TM4SF20: variants seen among roughly 807,000 people sequenced by gnomAD.
The protein encoded by TM4SF20 is transmembrane 4 L six family member 20.
TM4SF20 carries 13 observed loss-of-function variants against 15.1 expected under a neutral mutation model. That is an observed-to-expected ratio of 0.86 (90% CI 0.56 to 1.36). TM4SF20 has a LOEUF of 1.36. TM4SF20 is among the 40% of genes most tolerant of loss of function. The probability of loss-of-function intolerance (pLI) is 0.00; values close to 1 mark genes in which losing one functional copy is unlikely to be tolerated. For missense variants in TM4SF20, 282 were observed against 268.4 expected (o/e 1.05, Z -0.35); for synonymous variants, 92 against 96.6 (o/e 0.95, Z 0.28).
intron 1 of TM4SF20, among the ~76,000 whole-genome samples, chr2:227,378,165 C>T (rs2076461116): frequency 6.6e-6 from 1 of 151,960 alleles, no homozygotes; most frequent in Non-Finnish European, 1.5e-5. Flanking sequence ...CAAACAAAAA[C>T]AAGCCTCTTG....
Position 227,364,000 on chromosome 2 carries a change from T to G in TM4SF20, c.414A>C (p.Pro138=). Residue 138 remains proline (P), a synonymous_variant, in exon 4 of 4, where the codon CCA becomes CCC. Coordinates refer to ENST00000304568, the MANE Select transcript of TM4SF20 (RefSeq NM_024795.4). ...FSLKNISDIH[P]ESFNLQWFFN... is the part of the protein sequence containing the mutation. ...AAAACCACTGCAAGTTGAAGGATTC[T>G]GGATGAATGTCACTGAAAAACAAAA... is the stretch of plus-strand genomic sequence containing the variant. 6.2e-7 allele frequency: 1 copy of G among 1,604,906 alleles called. No individual in the cohort carries two copies. Among genetic ancestry groups the G allele is most frequent in the Non-Finnish European group, 8.5e-7 (1 of 1,175,506 alleles).
At chr2:227,379,804 T>C (rs904053129), upstream of TM4SF20, among the ~76,000 whole-genome samples, 3 of 152,238 alleles carry the variant, frequency 2.0e-5, no homozygotes, top group Non-Finnish European at 4.4e-5. Context: ...GACTAACCCA[T>C]TTAGAGATAG....
At chr2:227,372,700 T>C (rs2076427104) in intron 1 of TM4SF20, among the ~76,000 whole-genome samples, 1 of 151,862 alleles carries the variant, frequency 6.6e-6, no homozygotes, top group African/African-American at 2.4e-5. Context: ...CCCACATAGT[T>C]TTTTGTTTTG....
chr2:227,381,477 T>G (rs2106499151), upstream of TM4SF20: 1 of 151,982 alleles, frequency 6.6e-6, no homozygotes, highest in Admixed American at 6.5e-5. Flanking sequence ...ATAACTAAAA[T>G]TTACCCTCCC....
intron 3 of TM4SF20, among the ~76,000 whole-genome samples, 159 bp downstream of exon 3, chr2:227,365,934 G>C: frequency 6.6e-6 from 1 of 152,212 alleles, no homozygotes; most frequent in South Asian, 2.1e-4. Context: ...TTGATGTGGA[G>C]TTGTGCTAAC....
chr2:227,381,447 T>G (rs945307417), upstream of TM4SF20: 3 of 151,804 alleles, frequency 2.0e-5, no homozygotes, highest in Admixed American at 1.3e-4. Context: ...AAAAATATAT[T>G]TTTTATTTTA....
upstream of TM4SF20, among the ~76,000 whole-genome samples, chr2:227,380,414 C>G (rs1490621179): frequency 6.6e-6 from 1 of 152,176 alleles, no homozygotes; most frequent in East Asian, 1.9e-4. Context: ...ACTGAAAGAC[C>G]TAGACTTAGA....
At chr2:227,380,345 T>A (rs964969295), upstream of TM4SF20, among the ~76,000 whole-genome samples, 2 of 151,952 alleles carry the variant, frequency 1.3e-5, no homozygotes, top group African/African-American at 4.8e-5. Flanking sequence ...ACAAAAACAA[T>A]ACAAAAGTTC....
At chr2:227,372,356 A>C (rs765024293) in intron 1 of TM4SF20, among the ~76,000 whole-genome samples, 1 of 152,178 alleles carries the variant, frequency 6.6e-6, no homozygotes, top group African/African-American at 2.4e-5. Flanking sequence ...ATTCAAAACT[A>C]GTCATTTGGC....
rs1259998638 is a variant in TM4SF20 at position 227,363,856 on chromosome 2, A to G, written c.558T>C (p.Leu186=). Reference sequence around the variant, plus strand: ...GACCTAAAAATACTGAGAAGTGGATAAGCCTATGTTTGTTTTCTTCAGAAT... The same window carrying G: ...GACCTAAAAATACTGAGAAGTGGATGAGCCTATGTTTGTTTTCTTCAGAAT... ...HFDSEENKHR[L]IHFSVFLGLL... Residue 186 remains leucine, a synonymous_variant, in exon 4 of 4, where the codon CTT becomes CTC. Transcript: ENST00000304568. The G allele has an allele frequency of 1.9e-6, 3 of 1,614,194 alleles. No individual in the cohort carries two copies. The South Asian group carries it at 3.3e-5, about 18-fold the overall frequency.
chr2:227,376,352 T>C (rs1170893845), intron 1 of TM4SF20, among the ~76,000 whole-genome samples: 2 of 145,832 alleles, frequency 1.4e-5, no homozygotes, highest in Non-Finnish European at 1.6e-5. Flanking sequence ...ATGGATATTA[T>C]AAAGGACATA....
Position 227,363,535 on chromosome 2 carries a change from A to G in TM4SF20, c.*189T>C. The G allele has an allele frequency of 1.6e-6, 1 of 619,192 alleles. No individual in the cohort carries two copies. Among genetic ancestry groups the G allele is most frequent in the East Asian group, 2.9e-5 (1 of 35,038 alleles). The allele number at this position is 619,192 out of a possible 1,614,324, so 38.4% of individuals were successfully genotyped here. On this transcript the variant is annotated 3_prime_UTR_variant, in exon 4 of 4. Coordinates refer to ENST00000304568, the MANE Select transcript of TM4SF20 (RefSeq NM_024795.4). ...AGAGGTAAAAAATTTGAATAGTACAACACAAAACTAATTGAAAATTCTCTC... is the reference window on the plus strand; with the variant it reads ...AGAGGTAAAAAATTTGAATAGTACAGCACAAAACTAATTGAAAATTCTCTC...
At chr2:227,367,776 A>G (rs1377641396) in intron 2 of TM4SF20, among the ~76,000 whole-genome samples, 1 of 152,116 alleles carries the variant, frequency 6.6e-6, no homozygotes, top group African/African-American at 2.4e-5. Context: ...TAATCCCAAG[A>G]GGTAGATACT....
chr2:227,368,915 T>G (rs1157768293), intron 2 of TM4SF20, among the ~76,000 whole-genome samples: 2 of 152,202 alleles, frequency 1.3e-5, no homozygotes, highest in Non-Finnish European at 2.9e-5. Context: ...TGGTCTTATC[T>G]AGGCCTCAAA....
rs767592228 is a variant in TM4SF20 at position 227,370,944 on chromosome 2, T to C, written c.220A>G (p.Lys74Glu). The change falls in exon 2 of 4, where the codon AAA becomes GAA. Residue 74 changes from lysine to glutamate, a missense_variant. By Grantham distance (56) the Lys-to-Glu change is moderately conservative. Transcript: ENST00000304568. ...GTTCTGTTGTTGCAGCACGCTCTTT[T>C]TCTTGCTGTCAAGGACATTGTTGTT... Reference protein sequence around the residue: ...PATTMSLTARKRACCNNRTGM... With the variant: ...PATTMSLTARERACCNNRTGM... 6.2e-7 allele frequency: 1 copy of C among 1,614,092 alleles called. No homozygotes were observed. Among genetic ancestry groups the C allele is most frequent in the Admixed American group, 1.7e-5 (1 of 60,016 alleles).
chr2:227,376,508 T>C (rs2076451283), intron 1 of TM4SF20, among the ~76,000 whole-genome samples: 1 of 152,244 alleles, frequency 6.6e-6, no homozygotes, highest in East Asian at 1.9e-4. Context: ...ATATTGGACT[T>C]TTCAAAGAGT....
chr2:227,365,210 C>T (rs920378235), intron 3 of TM4SF20, among the ~76,000 whole-genome samples: 1 of 152,214 alleles, frequency 6.6e-6, no homozygotes, highest in African/African-American at 2.4e-5. Flanking sequence ...TGTGCCTGGC[C>T]TTCCTTGGGT....
intron 2 of TM4SF20, 96 bp downstream of exon 2, chr2:227,370,819 G>T: frequency 1.0e-6 from 1 of 979,152 alleles, no homozygotes; most frequent in Non-Finnish European, 1.7e-6. Flanking sequence ...GAGCCCCACT[G>T]TGATTCGGTA....
In TM4SF20 at chr2:227,362,149, C is replaced by G. The variant is rs1243385195; in HGVS notation, c.*1575G>C. ...ACAATTGAAATATAGAAATAACATT[C>G]AGAAAATTTTAGATTTTTAGCTTTG... On this transcript the variant is annotated 3_prime_UTR_variant, in exon 4 of 4. Transcript: ENST00000304568. 1 of 152,138 alleles carries G rather than the reference C, an allele frequency of 6.6e-6. No individual in the cohort carries two copies. The highest frequency in any genetic ancestry group is 1.5e-5 in the Non-Finnish European group (1 of 68,018). The allele number at this position is 152,138 out of a possible 1,614,324, so 9.4% of individuals were successfully genotyped here. A position where few individuals can be genotyped will look rare whatever the true frequency, so the allele number is the denominator to read the frequency against.
Sources: allele counts gnomAD v4.1 joint callset (sites outside exome capture counted in the v4.1 genomes callset), GRCh38; gene constraint gnomAD v4.1.1; transcripts MANE v1.5; gene names NCBI Gene and HGNC (gene_info 2026-07-23, HGNC 2026-07-21).